Variants in COL6A5 observed in about 807,000 individuals in gnomAD.
COL6A5 encodes collagen type VI alpha 5 chain, also known as collagen alpha-5(VI) chain.
A neutral mutation model predicts 65.6 loss-of-function variants in COL6A5; 48 were observed. The observed-to-expected ratio is 0.73, with a 90% confidence interval of 0.58 to 0.93. The LOEUF (loss-of-function observed/expected upper bound fraction) is 0.93, where lower values mean the gene tolerates loss of function less well. Among genes scored for constraint, COL6A5 ranks in the 40% least tolerant of loss-of-function variants. The pLI, the probability that COL6A5 is intolerant of heterozygous loss-of-function variation, is 0.00. For synonymous variants in COL6A5, 291 were observed against 322.8 expected (o/e 0.90, Z 1.05); for missense variants, 914 against 928.3 (o/e 0.98, Z 0.20).
At chr3:130,384,778 T>A (rs906596570) in intron 4 of COL6A5, 26 bp from the exon 5 acceptor site, 1 of 1,488,160 alleles carries the variant, frequency 6.7e-7, no homozygotes, top group African/African-American at 1.4e-5. Context: ...GTTCTCTAAT[T>A]TACAGAGAAT....
intron 1 of COL6A5, among the ~76,000 whole-genome samples, chr3:130,359,645 C>A (rs1389935491): frequency 6.6e-6 from 1 of 151,848 alleles, no homozygotes; most frequent in East Asian, 1.9e-4. Context: ...TTTTTTAATT[C>A]ATTTTATTAT....
intron 1 of COL6A5, among the ~76,000 whole-genome samples, chr3:130,355,357 T>C (rs1425799764): frequency 5.3e-5 from 8 of 152,102 alleles, no homozygotes; most frequent in Admixed American, 5.2e-4. Context: ...AGATTCCTCT[T>C]GCCCCTATAA....
At chr3:130,399,297 A>G (rs1429020505) in intron 10 of COL6A5, among the ~76,000 whole-genome samples, 1 of 151,460 alleles carries the variant, frequency 6.6e-6, no homozygotes, top group Non-Finnish European at 1.5e-5. Context: ...TATAGATCAA[A>G]TTCCTTAACA....
Position 130,388,483 on chromosome 3 carries a change from A to G in COL6A5, c.1862-97A>G, listed in dbSNP as rs530902330. Reference sequence around the variant, plus strand: ...CAACAGTTGCCTGAGTTAATTTTCAATGTTTTCTCATTAATGCATTTGTTT... The same window carrying G: ...CAACAGTTGCCTGAGTTAATTTTCAGTGTTTTCTCATTAATGCATTTGTTT... On this transcript the variant is annotated intron_variant and NMD_transcript_variant, in intron 5 of 41. Transcript: ENST00000312481. The G allele has an allele frequency of 4.5e-4, 458 of 1,010,256 alleles. 2 individuals are homozygous for G. Among genetic ancestry groups the G allele is most frequent in the South Asian group, 1.5e-3 (78 of 51,852 alleles). The allele number at this position is 1,010,256 out of a possible 1,614,324, so 62.6% of individuals were successfully genotyped here.
chr3:130,383,981 C>T (rs1936093959), intron 4 of COL6A5, among the ~76,000 whole-genome samples: 1 of 151,916 alleles, frequency 6.6e-6, no homozygotes, highest in South Asian at 2.1e-4. Context: ...TGCTCATGAA[C>T]AAATGAAGAA....
intron 8 of COL6A5, among the ~76,000 whole-genome samples, chr3:130,396,956 G>A (rs931372754): frequency 4.6e-5 from 7 of 152,194 alleles, no homozygotes; most frequent in African/African-American, 1.2e-4. Flanking sequence ...TCTGCCTCCC[G>A]GGTTCACGCC....
At chr3:130,368,657 T>A (rs9841493) in intron 1 of COL6A5, among the ~76,000 whole-genome samples, 89,238 of 151,408 alleles carry the variant, frequency 0.59, 28,867 homozygotes, top group Non-Finnish European at 0.72. Context: ...AAGAGGAGGG[T>A]CTTGGCAGTC....
At chr3:130,400,947 G>T (rs1463842882) in intron 10 of COL6A5, 84 bp from the exon 11 acceptor site, 27 of 1,108,394 alleles carry the variant, frequency 2.4e-5, no homozygotes, top group Non-Finnish European at 3.2e-5. Context: ...TTTAAATCAT[G>T]TTCACTGAGT....
chr3:130,398,007 A>G lies in COL6A5; in HGVS notation c.3910-23A>G, dbSNP rs895652862. 4.5e-6 allele frequency: 7 copies of G among 1,547,192 alleles called. No homozygotes were observed. The South Asian group carries it at 7.2e-5, about 16-fold the overall frequency. On this transcript the variant is annotated intron_variant and NMD_transcript_variant, in intron 9 of 41. Transcript: ENST00000312481. Reference sequence around the variant, plus strand: ...CAATTATATATTTAGCTTTTACACCATACCATTTTCTTATTTCTCCAGGTG... The same window carrying G: ...CAATTATATATTTAGCTTTTACACCGTACCATTTTCTTATTTCTCCAGGTG...
chr3:130,363,156 A>G (rs1207923379), intron 1 of COL6A5, among the ~76,000 whole-genome samples: 3 of 152,070 alleles, frequency 2.0e-5, no homozygotes, highest in African/African-American at 7.2e-5. Flanking sequence ...CTCTCTCCTT[A>G]CTTAGCATAT....
chr3:130,471,036 G>T, intron 7 of COL6A5, 69 bp downstream of exon 39: 1 of 1,105,264 alleles, frequency 9.0e-7, no homozygotes, highest in Non-Finnish European at 1.4e-6. Context: ...ACTGTGAAAT[G>T]AATAGCATTT....
intron 3 of COL6A5, among the ~76,000 whole-genome samples, chr3:130,442,468 G>T (rs1187289783): frequency 6.6e-6 from 1 of 152,130 alleles, no homozygotes; most frequent in Non-Finnish European, 1.5e-5. Flanking sequence ...GGTCATGCTG[G>T]GCTGTTAAGT....
At chr3:130,405,328 T>A (rs1229702106) in intron 13 of COL6A5, among the ~76,000 whole-genome samples, 1 of 152,154 alleles carries the variant, frequency 6.6e-6, no homozygotes. Flanking sequence ...GGTAGTGAAG[T>A]GGCTGAGCTC....
chr3:130,446,258 T>G (rs1709301035), intron 4 of COL6A5, among the ~76,000 whole-genome samples: 1 of 151,736 alleles, frequency 6.6e-6, no homozygotes, highest in Non-Finnish European at 1.5e-5. Context: ...TGTAGATTTC[T>G]GCAGGAGCAT....
intron 1 of COL6A5, among the ~76,000 whole-genome samples, chr3:130,350,415 T>A (rs993365898): frequency 6.6e-6 from 1 of 152,186 alleles, no homozygotes; most frequent in Non-Finnish European, 1.5e-5. Flanking sequence ...AAAACCCCAT[T>A]GTCTCAGCCC....
exon 8 of COL6A5, chr3:130,394,909 T>C (rs572169215): frequency 4.3e-4 from 669 of 1,550,678 alleles, no homozygotes; most frequent in Non-Finnish European, 5.7e-4. Context: ...TTCAGGAAGC[T>C]GACGTGATTT....
chr3:130,392,880 A>G (rs2107654840), intron 7 of COL6A5, among the ~76,000 whole-genome samples: 1 of 152,202 alleles, frequency 6.6e-6, no homozygotes, highest in South Asian at 2.1e-4. Context: ...TCTTTATCCA[A>G]GGAAAATTAT....
intron 1 of COL6A5, among the ~76,000 whole-genome samples, chr3:130,436,110 T>C (rs1362759922): frequency 6.6e-6 from 1 of 152,096 alleles, no homozygotes; most frequent in Non-Finnish European, 1.5e-5. Flanking sequence ...TAAATCTCTA[T>C]AAATCTGATT....
chr3:130,442,185 T>C (rs1006313565), intron 3 of COL6A5, among the ~76,000 whole-genome samples: 26 of 152,178 alleles, frequency 1.7e-4, no homozygotes, highest in African/African-American at 6.0e-4. Flanking sequence ...CCAACTTTCC[T>C]ATTAGAGCAT....
Sources: allele counts gnomAD v4.1 joint callset (sites outside exome capture counted in the v4.1 genomes callset), GRCh38; gene constraint gnomAD v4.1.1; transcripts MANE v1.5; gene names NCBI Gene and HGNC (gene_info 2026-07-23, HGNC 2026-07-21).